The following DVL2 variants were observed in gnomAD, a reference collection of about 807,000 sequenced individuals.
DVL2 encodes the protein dishevelled segment polarity protein 2.
Under a neutral mutation model 69.8 loss-of-function variants are expected in DVL2, and 38 were observed. That is an observed-to-expected ratio of 0.54 (90% CI 0.42 to 0.71). The LOEUF (loss-of-function observed/expected upper bound fraction) is 0.71, where lower values mean the gene tolerates loss of function less well. DVL2 is among the 30% of genes least tolerant of loss of function. The probability of loss-of-function intolerance (pLI) is 0.00; values close to 1 mark genes in which losing one functional copy is unlikely to be tolerated. For synonymous variants in DVL2, 428 were observed against 392.4 expected, an observed-to-expected ratio of 1.09 and a Z score of -1.07; for missense variants, 931 against 1,008.1, an observed-to-expected ratio of 0.92 and a Z score of 1.04.
chr17:7,226,255 G>A lies in DVL2; in HGVS notation c.1821C>T (p.Pro607=), dbSNP rs749586116. The A allele has an allele frequency of 4.0e-5, 64 of 1,608,878 alleles. No individual in the cohort carries two copies. Among genetic ancestry groups the A allele is most frequent in the East Asian group, 6.7e-5 (3 of 44,858 alleles). ...SDGGAGRTGR[P]EERAPESKSG... is the part of the protein sequence containing the mutation. ...ACTTGGACTCGGGGGCCCGCTCCTC[G>A]GGCCTCCCCGTGCGCCCTGCCCCCC... The change falls in exon 15 of 15, where the codon CCC becomes CCT. Residue 607 remains proline, a synonymous_variant. Transcript: ENST00000005340.
In DVL2 at chr17:7,229,935, G is replaced by A; in HGVS notation, c.529C>T (p.His177Tyr). The change falls in exon 5 of 15, where the codon CAC becomes TAC. Residue 177 changes from histidine (H) to tyrosine (Y), a missense_variant. By Grantham distance (83) the His-to-Tyr change is moderately conservative. Around this residue, in one of 3 missense-constraint regions of DVL2, gnomAD observed 555 missense variants for 588.8 expected, o/e 0.94. Transcript: ENST00000005340. The surrounding 1 kb of genome is among the most constrained non-coding windows in gnomAD (Gnocchi z 4.4). ...RDSSEHGAGG[H>Y]RTGGPSRLER... ...AGCCTTGAGGGGCCACCAGTCCTGT[G>A]GCCCCCAGCTACATATGGACAGGAA... The A allele has an allele frequency of 6.2e-7, 1 of 1,608,372 alleles. No homozygotes were observed. The highest frequency in any genetic ancestry group is 8.5e-7 in the Non-Finnish European group (1 of 1,179,786).
At position 7,225,974 on chromosome 17, in the gene DVL2, G is replaced by T; in HGVS notation, c.2102C>A (p.Ala701Asp). 1 of 1,613,710 alleles carries T rather than the reference G, an allele frequency of 6.2e-7. No individual in the cohort carries two copies. The highest frequency in any genetic ancestry group is 8.5e-7 in the Non-Finnish European group (1 of 1,179,952). The change falls in exon 15 of 15, where the codon GCC becomes GAC. Residue 701 changes from alanine to aspartate, a missense_variant. Physicochemically the swap from Ala to Asp is moderately radical, Grantham distance 126 (BLOSUM62 -2). Coordinates refer to ENST00000005340, the MANE Select transcript of DVL2 (RefSeq NM_004422.3). ...PVPPAVQPPG[A>D]PPVRDLGSVP... is the part of the protein sequence containing the mutation. Reference sequence around the variant, plus strand: ...AGAGCCCAGGTCTCTGACTGGAGGGGCCCCCGGAGGCTGCACTGCTGGAGG... The same window carrying T: ...AGAGCCCAGGTCTCTGACTGGAGGGTCCCCCGGAGGCTGCACTGCTGGAGG...
intron 13 of DVL2, 70 bp from the exon 14 acceptor site, chr17:7,226,709 G>C (rs963072186): frequency 1.6e-6 from 2 of 1,216,050 alleles, no homozygotes; most frequent in Non-Finnish European, 2.2e-6. Flanking sequence ...ACCGAATGGA[G>C]AGGAACTGGG....
At chr17:7,226,717 G>A in intron 13 of DVL2, 78 bp from the exon 14 acceptor site, 1 of 1,178,012 alleles carries the variant, frequency 8.5e-7, no homozygotes, top group Non-Finnish European at 1.2e-6. Context: ...GAGAGGAACT[G>A]GGAACAGTTC....
rs201917646 is a variant in DVL2 at position 7,229,573 on chromosome 17, G to A, written c.747+15C>T. 1.9e-6 allele frequency: 3 copies of A among 1,586,458 alleles called. No homozygotes were observed. Among genetic ancestry groups the A allele is most frequent in the East Asian group, 2.2e-5 (1 of 44,696 alleles). On this transcript the variant is annotated intron_variant, in intron 6 of 14. Transcript: ENST00000005340. This position sits in a 1 kb window ranked among gnomAD's most constrained non-coding sequence, Gnocchi z 4.4. ...ACCTTCTCCCAGCACCAGCCTTCCT[G>A]TAGGAACCCCTCACCCTCTCCAGGC...
At position 7,230,592 on chromosome 17, in the gene DVL2, C is replaced by T. The variant is rs889801548; in HGVS notation, c.264+136G>A. 47 of 1,320,706 alleles carry T rather than the reference C, an allele frequency of 3.6e-5. 1 individual carries two copies. The highest frequency in any genetic ancestry group is 5.9e-5 in the African/African-American group (4 of 67,588). The allele number at this position is 1,320,706 out of a possible 1,614,324, so 81.8% of individuals were successfully genotyped here. On this transcript the variant is annotated intron_variant, in intron 2 of 14. Transcript: ENST00000005340. ...AAGGAGAAGGCTGAGGGCCTCTCGCCGGCTCTCCAAACAGACAGGAGGTAA... is the reference window on the plus strand; with the variant it reads ...AAGGAGAAGGCTGAGGGCCTCTCGCTGGCTCTCCAAACAGACAGGAGGTAA...
In DVL2 at chr17:7,229,571, C is replaced by A; in HGVS notation, c.747+17G>T. ...CCACCTTCTCCCAGCACCAGCCTTC[C>A]TGTAGGAACCCCTCACCCTCTCCAG... On this transcript the variant is annotated intron_variant, in intron 6 of 14. Transcript: ENST00000005340. This position sits in a 1 kb window ranked among gnomAD's most constrained non-coding sequence, Gnocchi z 4.4. 6.3e-7 allele frequency: 1 copy of A among 1,587,190 alleles called. No individual in the cohort carries two copies. Among genetic ancestry groups the A allele is most frequent in the South Asian group, 1.1e-5 (1 of 87,016 alleles).
chr17:7,225,891 T>C lies in DVL2; in HGVS notation c.2185A>G (p.Ser729Gly). ...QSFHMAMGNP[S>G]EFFVDVM ...TACATAACATCCACAAAGAACTCGCTGGGATTGCCCATGGCCATGTGGAAG... is the reference window on the plus strand; with the variant it reads ...TACATAACATCCACAAAGAACTCGCCGGGATTGCCCATGGCCATGTGGAAG... Residue 729 changes from serine (S) to glycine (G), a missense_variant, in exon 15 of 15, where the codon AGC becomes GGC. Coordinates refer to ENST00000005340, the MANE Select transcript of DVL2 (RefSeq NM_004422.3). 1 of 1,613,894 alleles carries C rather than the reference T, an allele frequency of 6.2e-7. No individual in the cohort carries two copies.
Position 7,225,783 on chromosome 17 carries a change from G to T in DVL2, c.*82C>A. 1 of 1,244,766 alleles carries T rather than the reference G, an allele frequency of 8.0e-7. No individual in the cohort carries two copies. Among genetic ancestry groups the T allele is most frequent in the Non-Finnish European group, 1.2e-6 (1 of 855,992 alleles). The allele number at this position is 1,244,766 out of a possible 1,614,324, so 77.1% of individuals were successfully genotyped here. On this transcript the variant is annotated 3_prime_UTR_variant, in exon 15 of 15. Coordinates refer to ENST00000005340, the MANE Select transcript of DVL2 (RefSeq NM_004422.3). ...GCAGCAGCTGGTAGGCTGAGCCCAG[G>T]CACTGTAAGAGCAAGCACATGACGG... is the stretch of plus-strand genomic sequence containing the variant.
At chr17:7,228,818 G>A in intron 9 of DVL2, 151 bp downstream of exon 9, 1 of 694,280 alleles carries the variant, frequency 1.4e-6, no homozygotes, top group South Asian at 1.8e-5. Context: ...CTCACCTCAG[G>A]TGATCCACCC....
intron 9 of DVL2, chr17:7,228,415 T>C (rs1301905459): frequency 1.1e-5 from 2 of 186,022 alleles, no homozygotes; most frequent in Non-Finnish European, 2.3e-5. Context: ...TGACTACCCC[T>C]GGGGCAGTGA....
rs1391024312 is a variant in DVL2, at chr17:7,226,408, G to C, written c.1762+13C>G. ...TCAGATCCTGGCCGTACAGGTATGT[G>C]GGGATGACTTACCCTCACTATGCTG... On this transcript the variant is annotated intron_variant, in intron 14 of 14. Transcript: ENST00000005340. The C allele has an allele frequency of 3.3e-6, 5 of 1,531,508 alleles. No homozygotes were observed. In the Admixed American group the frequency reaches 8.4e-5, roughly 26 times the overall value. The allele number at this position is 1,531,508 out of a possible 1,614,324, so 94.9% of individuals were successfully genotyped here.
In DVL2 at chr17:7,226,159, C is replaced by T. The variant is rs1366094406; in HGVS notation, c.1917G>A (p.Gly639=). Residue 639 remains glycine, a synonymous_variant, in exon 15 of 15, where the codon GGG becomes GGA. Coordinates refer to ENST00000005340, the MANE Select transcript of DVL2 (RefSeq NM_004422.3). ...GSLRRGGEAS[G]TSDGGPPPSR... ...ATGGAGGAGGGCCCCCATCGCTAGT[C>T]CCACTTGCTTCCCCACCCCGCCGAA... 1.1e-5 allele frequency: 18 copies of T among 1,610,502 alleles called. No homozygotes were observed. The highest frequency in any genetic ancestry group is 1.5e-5 in the Non-Finnish European group (18 of 1,178,416).
In DVL2 at chr17:7,234,335, C is replaced by T. The variant is rs1182960094; in HGVS notation, c.-73G>A. ...ATGGCCCCTGCCGCGCCTGCGCACA[C>T]CCGCAAACCGACGCGCGAGCGCGGA... On this transcript the variant is annotated 5_prime_UTR_variant, in exon 1 of 15. It adds an upstream start codon to the 5' untranslated region. Transcript: ENST00000005340. 5 of 1,520,624 alleles carry T rather than the reference C, an allele frequency of 3.3e-6. No individual in the cohort carries two copies. The allele number at this position is 1,520,624 out of a possible 1,614,324, so 94.2% of individuals were successfully genotyped here.
intron 1 of DVL2, among the ~76,000 whole-genome samples, chr17:7,231,421 C>A (rs2071540972): frequency 6.8e-6 from 1 of 148,100 alleles, no homozygotes; most frequent in South Asian, 2.1e-4. Flanking sequence ...CGAGATCGCG[C>A]CACTGCATTC....
rs1377277568 is a variant in DVL2 at position 7,229,819 on chromosome 17, G to T, written c.645C>A (p.Asp215Glu). ...GTGCGGAGCCACACCTGCTCATGGT[G>T]TCCTCCTCGTCCGAGTCCCCCAGGC... ...STSLGDSDEE[D>E]TMSRFSSSTE... Residue 215 changes from aspartate (D) to glutamate (E), a missense_variant, in exon 5 of 15, where the codon GAC (aspartate) becomes GAA (glutamate). By Grantham distance (45) the Asp-to-Glu change is conservative (BLOSUM62 2). Transcript: ENST00000005340. This position sits in a 1 kb window ranked among gnomAD's most constrained non-coding sequence, Gnocchi z 4.4. 6.2e-7 allele frequency: 1 copy of T among 1,611,926 alleles called. No homozygotes were observed. Among genetic ancestry groups the T allele is most frequent in the Non-Finnish European group, 8.5e-7 (1 of 1,179,420 alleles).
rs1221660861 is a variant in DVL2 at position 7,227,518 on chromosome 17, G to C, written c.1249C>G (p.Leu417Val). The change falls in exon 12 of 15, where the codon CTC (leucine) becomes GTC (valine). Residue 417 changes from leucine (L) to valine (V), a missense_variant. Transcript: ENST00000005340. Reference sequence around the variant, plus strand: ...GATGCCATGTCCGTATGGACGGAGAGACCCCGGCCTTCACAGCCTGGCAGA... The same window carrying C: ...GATGCCATGTCCGTATGGACGGAGACACCCCGGCCTTCACAGCCTGGCAGA... ...SLPDGCEGRG[L>V]SVHTDMASVT... The C allele has an allele frequency of 1.2e-6, 2 of 1,614,050 alleles. No individual in the cohort carries two copies. The highest frequency in any genetic ancestry group is 2.2e-5 in the East Asian group (1 of 44,882).
intron 9 of DVL2, 192 bp from the exon 10 acceptor site, chr17:7,228,236 C>A (rs1254739347): frequency 2.8e-5 from 15 of 538,854 alleles, no homozygotes; most frequent in East Asian, 2.7e-4. Context: ...CTCTTAAAAA[C>A]ATACTGCCAA....
Position 7,229,303 on chromosome 17 carries a change from A to G in DVL2, c.818-29T>C. ...TGGAGAGAGGCCATGTGAAAAGAGG[A>G]GCCCCTGCCACAGGACGCCCGGAAC... is the stretch of plus-strand genomic sequence containing the variant. On this transcript the variant is annotated intron_variant, in intron 7 of 14. Transcript: ENST00000005340. The surrounding 1 kb of genome is among the most constrained non-coding windows in gnomAD (Gnocchi z 4.4). 7 of 1,613,154 alleles carry G rather than the reference A, an allele frequency of 4.3e-6. No individual in the cohort carries two copies. The South Asian group carries it at 7.7e-5, about 18-fold the overall frequency.
Sources: gnomAD v4.1 joint callset for allele counts (sites outside exome capture counted in the v4.1 genomes callset) on GRCh38, gnomAD v4.1.1 for gene constraint, gnomAD v4.1.1 regional missense constraint, Gnocchi (gnomAD v3.1) non-coding constraint, MANE v1.5 for transcripts, NCBI Gene and HGNC (gene_info 2026-07-23, HGNC 2026-07-21) for gene names.